LYST: variants seen among roughly 807,000 people sequenced by gnomAD.
LYST encodes the protein lysosomal-trafficking regulator.
A neutral mutation model predicts 413.6 loss-of-function variants in LYST; 192 were observed. The observed-to-expected ratio is 0.46, with a 90% CI of 0.41 to 0.52. The LOEUF (loss-of-function observed/expected upper bound fraction) is 0.52. LYST is among the 20% of genes least tolerant of loss of function. The pLI, the probability that LYST is intolerant of heterozygous loss-of-function variation, is 0.00. For synonymous variants in LYST, 1,525 were observed against 1,567.3 expected, an observed-to-expected ratio of 0.97 and a Z score of 0.64; for missense variants, 3,815 against 4,499.9, an observed-to-expected ratio of 0.85 and a Z score of 4.35.
At chr1:235,700,211 G>A (rs2103094542) in intron 45 of LYST, among the ~76,000 whole-genome samples, 1 of 152,278 alleles carries the variant, frequency 6.6e-6, no homozygotes, top group East Asian at 1.9e-4. Flanking sequence ...AAAAGCAATT[G>A]CAATAAGAGC....
chr1:235,761,095 T>C, intron 22 of LYST, among the ~76,000 whole-genome samples: 1 of 152,032 alleles, frequency 6.6e-6, no homozygotes, highest in East Asian at 1.9e-4. Context: ...CTCATTTATT[T>C]AAAAAAAATT....
Position 235,830,410 on chromosome 1 carries a change from G to A in LYST, c.8C>T (p.Thr3Ile), listed in dbSNP as rs548589202. 6.2e-7 allele frequency: 1 copy of A among 1,611,818 alleles called. No homozygotes were observed. The highest frequency in any genetic ancestry group is 1.3e-5 in the African/African-American group (1 of 74,826). Reference sequence around the variant, plus strand: ...TTCACGTGCCAGTGAGTTACTGTCGGTGCTCATGACCGAGCTATAAAATAA... The same window carrying A: ...TTCACGTGCCAGTGAGTTACTGTCGATGCTCATGACCGAGCTATAAAATAA... MS[T>I]DSNSLAREFL... is the part of the protein sequence containing the mutation. The change falls in exon 3 of 53, where the codon ACC becomes ATC. Residue 3 changes from threonine (T) to isoleucine (I), a missense_variant. Thr to Ile is a moderately conservative substitution (Grantham distance 89). Around this residue, in one of 4 missense-constraint regions of LYST, gnomAD observed 1,648 missense variants for 1,810.3 expected, o/e 0.91. Transcript: ENST00000389793.
chr1:235,718,265 AT>A (rs1382959240), intron 40 of LYST, among the ~76,000 whole-genome samples: 1 of 152,164 alleles, frequency 6.6e-6, no homozygotes, highest in Non-Finnish European at 1.5e-5. Flanking sequence ...TGAGCAAACA[AT>A]AAACTAAAAA....
At chr1:235,702,603 C>T in intron 45 of LYST, 144 bp downstream of exon 45, 1 of 733,108 alleles carries the variant, frequency 1.4e-6, no homozygotes, top group Admixed American at 2.0e-5. Flanking sequence ...GCACAGGATT[C>T]TGCTTTCGCT....
intron 10 of LYST, among the ~76,000 whole-genome samples, chr1:235,793,832 T>TTTA (rs1362427133): frequency 2.0e-5 from 3 of 151,838 alleles, no homozygotes; most frequent in East Asian, 1.9e-4. Flanking sequence ...TTTTATTATT[T>TTTA]TTATTATTAT....
At chr1:235,883,671 A>C (rs1681471486), upstream of LYST, 1 of 152,396 alleles carries the variant, frequency 6.6e-6, no homozygotes, top group Non-Finnish European at 1.5e-5. Flanking sequence ...GGGGCTAGGA[A>C]ATCTCTGTGT....
upstream of LYST, among the ~76,000 whole-genome samples, chr1:235,870,485 C>T (rs919118906): frequency 5.3e-5 from 8 of 152,202 alleles, no homozygotes; most frequent in African/African-American, 1.9e-4. Flanking sequence ...CGTGTGGCTG[C>T]GCGGGAGTCT....
intron 3 of LYST, chr1:235,828,083 A>G: frequency 1.3e-6 from 1 of 778,752 alleles, no homozygotes; most frequent in Non-Finnish European, 1.6e-6. Context: ...ACTACTTCAT[A>G]TTCTTTTAGA....
rs747510375 is a variant in LYST at position 235,770,315 on chromosome 1, C to A, written c.5785-18G>T. On this transcript the variant is annotated intron_variant, in intron 19 of 52. Transcript: ENST00000389793. ...ACACCTTGCTGAAGAGATAAACACA[C>A]ACCAATAAGCACATACTTACTGAAA... 2 of 1,613,038 alleles carry A rather than the reference C, an allele frequency of 1.2e-6. No homozygotes were observed. Among genetic ancestry groups the A allele is most frequent in the Non-Finnish European group, 1.7e-6 (2 of 1,179,174 alleles).
At chr1:235,866,409 G>T (rs899728330) in intron 1 of LYST, among the ~76,000 whole-genome samples, 3 of 152,202 alleles carry the variant, frequency 2.0e-5, no homozygotes, top group Admixed American at 1.3e-4. Flanking sequence ...AACTCCCATC[G>T]TCAACCTGAC....
intron 36 of LYST, among the ~76,000 whole-genome samples, chr1:235,730,601 GTGTGTGTGTGTGTA>G (rs1457017319): frequency 4.1e-4 from 43 of 105,492 alleles, no homozygotes; most frequent in East Asian, 1.3e-3. Context: ...GTGTGTGTGT[GTGTGTGTGTGTGTA>G]TATGTAAACT....
intron 47 of LYST, 51 bp downstream of exon 47, chr1:235,693,299 A>G: frequency 7.3e-7 from 1 of 1,372,390 alleles, no homozygotes; most frequent in East Asian, 2.4e-5. Context: ...TGGGCGGCAG[A>G]GTGAGACTCC....
chr1:235,691,697 C>CTTTTTTTTTTTTTTTTTTTTTTTTTTTT (rs774558822), intron 47 of LYST, among the ~76,000 whole-genome samples: 1 of 138,204 alleles, frequency 7.2e-6, no homozygotes, highest in African/African-American at 2.9e-5. Flanking sequence ...ATCAGATTCT[C>CTTTTTTTTTTTTTTTTTTTTTTTTTTTT]TCTTTTTTTT....
At chr1:235,844,012 G>C (rs1677508579) in intron 1 of LYST, among the ~76,000 whole-genome samples, 1 of 152,118 alleles carries the variant, frequency 6.6e-6, no homozygotes, top group African/African-American at 2.4e-5. Context: ...AGGAGACTGT[G>C]ATAAATCAGG....
chr1:235,855,396 T>C (rs1004207541), intron 1 of LYST, among the ~76,000 whole-genome samples: 6 of 152,140 alleles, frequency 3.9e-5, no homozygotes, highest in African/African-American at 1.4e-4. Flanking sequence ...CACTCTCTAT[T>C]CCACAATTAG....
At chr1:235,861,643 T>C (rs891781099) in intron 1 of LYST, among the ~76,000 whole-genome samples, 49 of 152,158 alleles carry the variant, frequency 3.2e-4, no homozygotes, top group Non-Finnish European at 4.4e-5. Flanking sequence ...AAGACTGATA[T>C]ATACATATAT....
chr1:235,662,137 G>T lies in LYST; in HGVS notation c.*803C>A, dbSNP rs888033824. ...CAAATTGGTACAGATTCAATGCTCTGTAAATAGCAGACTTTAAGACTTACC... is the reference window on the plus strand; with the variant it reads ...CAAATTGGTACAGATTCAATGCTCTTTAAATAGCAGACTTTAAGACTTACC... On this transcript the variant is annotated 3_prime_UTR_variant, in exon 53 of 53. Coordinates refer to ENST00000389793, the MANE Select transcript of LYST (RefSeq NM_000081.4). 2 of 152,212 alleles carry T rather than the reference G, an allele frequency of 1.3e-5. No individual in the cohort carries two copies. The highest frequency in any genetic ancestry group is 4.8e-5 in the African/African-American group (2 of 41,436). The allele number at this position is 152,212 out of a possible 1,614,324, so 9.4% of individuals were successfully genotyped here. A position where few individuals can be genotyped will look rare whatever the true frequency, so the allele number is the denominator to read the frequency against.
chr1:235,792,913 C>G (rs915960586), intron 11 of LYST, among the ~76,000 whole-genome samples: 3 of 152,150 alleles, frequency 2.0e-5, no homozygotes, highest in African/African-American at 7.2e-5. Flanking sequence ...ATCTGCCCAC[C>G]TAGGCCTCAC....
intron 7 of LYST, among the ~76,000 whole-genome samples, 154 bp downstream of exon 7, chr1:235,804,350 A>G (rs1672573684): frequency 6.6e-6 from 1 of 152,174 alleles, no homozygotes; most frequent in Admixed American, 6.6e-5. Flanking sequence ...ATCCCATCAC[A>G]TATCCATCAC....
Sources: allele counts gnomAD v4.1 joint callset (sites outside exome capture counted in the v4.1 genomes callset), GRCh38; gene constraint gnomAD v4.1.1; regional missense constraint gnomAD v4.1.1; transcripts MANE v1.5; gene names NCBI Gene and HGNC (gene_info 2026-07-23, HGNC 2026-07-21).